The following EFCAB8 variants were observed in gnomAD, a reference collection of about 807,000 sequenced individuals.
EFCAB8 encodes the protein EF-hand calcium-binding domain-containing protein 8.
In EFCAB8, 100 loss-of-function variants were observed where a neutral mutation model predicts 116.3. The observed-to-expected ratio is 0.86, with a 90% CI of 0.73 to 1.02. The LOEUF (loss-of-function observed/expected upper bound fraction) is 1.02, where lower values mean the gene tolerates loss of function less well. Among genes scored for constraint, EFCAB8 ranks in the 50% least tolerant of loss-of-function variants. EFCAB8 has a pLI of 0.00. For missense variants in EFCAB8, 1,320 were observed against 1,416.9 expected (o/e 0.93, Z 1.10); for synonymous variants, 558 against 567.9 (o/e 0.98, Z 0.25).
intron 21 of EFCAB8, 62 bp from the exon 22 acceptor site, chr20:32,931,116 G>T (rs1018430402): frequency 9.4e-6 from 13 of 1,380,282 alleles, no homozygotes; most frequent in Non-Finnish European, 1.3e-5. Flanking sequence ...GGAGGAGCCC[G>T]CAGAGTGAGT....
rs144670167 is a variant in EFCAB8, at chr20:32,867,658, C to T, written c.119C>T (p.Pro40Leu). The T allele has an allele frequency of 1.4e-4, 218 of 1,551,664 alleles. 1 individual carries two copies. In the African/African-American group the frequency reaches 2.7e-3, roughly 19 times the overall value. The change falls in exon 3 of 27, where the codon CCT becomes CTT. Residue 40 changes from proline (P) to leucine (L), a missense_variant. Coordinates refer to ENST00000400522, the MANE Select transcript of EFCAB8 (RefSeq NM_001143967.2). ...CCATCCATCACCCTTAGCCAGGTGC[C>T]TGACCTCCAGCCTGGGTCCCAGCTG... is the stretch of plus-strand genomic sequence containing the variant. ...PTPSITLSQV[P>L]DLQPGSQLFT...
At chr20:32,872,597 C>T (rs1984736326) in intron 3 of EFCAB8, among the ~76,000 whole-genome samples, 1 of 152,044 alleles carries the variant, frequency 6.6e-6, no homozygotes, top group Admixed American at 6.6e-5. Context: ...GGTTCGAGAC[C>T]AGCCTGGCCA....
intron 20 of EFCAB8, among the ~76,000 whole-genome samples, chr20:32,929,500 C>T (rs1347304510): frequency 5.5e-5 from 5 of 90,292 alleles, no homozygotes; most frequent in Non-Finnish European, 8.8e-5. Context: ...CTCTTCCCTT[C>T]TGTTTTTTTT....
intron 23 of EFCAB8, among the ~76,000 whole-genome samples, chr20:32,945,333 T>C (rs1988557297): frequency 1.3e-5 from 2 of 151,992 alleles, no homozygotes; most frequent in South Asian, 4.1e-4. Flanking sequence ...TTTTTTGTAT[T>C]TTTTGTAGAG....
intron 10 of EFCAB8, chr20:32,898,247 C>T: frequency 2.3e-6 from 1 of 431,416 alleles, no homozygotes; most frequent in Non-Finnish European, 4.2e-6. Context: ...CTCTAACTCA[C>T]AAGATTTCAA....
chr20:32,909,486 G>C (rs1418327440), intron 14 of EFCAB8, among the ~76,000 whole-genome samples: 4 of 152,194 alleles, frequency 2.6e-5, no homozygotes, highest in African/African-American at 4.8e-5. Context: ...GCCTCGCCTG[G>C]GGCAAGGGGG....
chr20:32,898,677 G>A (rs901715254), intron 11 of EFCAB8, 54 bp downstream of exon 11: 2 of 706,640 alleles, frequency 2.8e-6, no homozygotes, highest in Non-Finnish European at 5.3e-6. Context: ...GGAGGGGGGT[G>A]GTGAGTGGAC....
intron 17 of EFCAB8, among the ~76,000 whole-genome samples, chr20:32,914,915 A>G (rs1012836222): frequency 3.4e-5 from 5 of 148,958 alleles, no homozygotes; most frequent in Non-Finnish European, 5.9e-5. Flanking sequence ...TTTTTTCTTT[A>G]AGACATGGGA....
At chr20:32,960,493 A>G (rs1232200237) in intron 26 of EFCAB8, among the ~76,000 whole-genome samples, 3 of 152,200 alleles carry the variant, frequency 2.0e-5, no homozygotes, top group African/African-American at 7.2e-5. Flanking sequence ...GCTGGTTAGC[A>G]TATTTCCCAC....
chr20:32,948,518 A>C (rs1284589779), intron 23 of EFCAB8, among the ~76,000 whole-genome samples: 1 of 143,790 alleles, frequency 7.0e-6, no homozygotes, highest in Non-Finnish European at 1.5e-5. Context: ...TATAAGAAGA[A>C]AGTGAAAAAG....
chr20:32,907,580 C>G (rs1418965298), intron 13 of EFCAB8, among the ~76,000 whole-genome samples: 2 of 152,220 alleles, frequency 1.3e-5, no homozygotes, highest in East Asian at 3.9e-4. Context: ...GTTACGTTTT[C>G]TGGAACTCTG....
At chr20:32,862,665 T>C (rs1390776034) in intron 1 of EFCAB8, among the ~76,000 whole-genome samples, 2 of 152,178 alleles carry the variant, frequency 1.3e-5, no homozygotes, top group Non-Finnish European at 1.5e-5. Context: ...CTTGCTCTTG[T>C]TGCCCAGGCT....
chr20:32,898,331 C>T, intron 10 of EFCAB8, 162 bp from the exon 11 acceptor site: 1 of 572,036 alleles, frequency 1.7e-6, no homozygotes, highest in Non-Finnish European at 3.2e-6. Flanking sequence ...AGGACCTGGG[C>T]TAGGATTGCG....
At chr20:32,889,526 GC>G in intron 7 of EFCAB8, 120 bp downstream of exon 7, 1 of 1,002,162 alleles carries the variant, frequency 1.0e-6, no homozygotes, top group Non-Finnish European at 1.5e-6. Context: ...TGGGAGGATA[GC>G]CAGGTGGAGA....
intron 22 of EFCAB8, among the ~76,000 whole-genome samples, chr20:32,934,395 A>G (rs1988025344): frequency 6.6e-6 from 1 of 152,194 alleles, no homozygotes; most frequent in Admixed American, 6.5e-5. Flanking sequence ...GCTATTGTGA[A>G]AAGTGCTGCA....
At chr20:32,875,027 G>A in intron 3 of EFCAB8, among the ~76,000 whole-genome samples, 1 of 151,886 alleles carries the variant, frequency 6.6e-6, no homozygotes, top group Admixed American at 6.6e-5. Flanking sequence ...GGGATTACAG[G>A]CGTGAGCCAC....
intron 4 of EFCAB8, among the ~76,000 whole-genome samples, chr20:32,877,199 A>C (rs113345963): frequency 0.057 from 6,558 of 114,616 alleles, 178 homozygotes; most frequent in South Asian, 0.089. Context: ...GTTTTTATTT[A>C]TTTCTTTCTT....
chr20:32,863,412 T>C (rs1256363957), intron 1 of EFCAB8, among the ~76,000 whole-genome samples: 1 of 152,190 alleles, frequency 6.6e-6, no homozygotes, highest in Non-Finnish European at 1.5e-5. Flanking sequence ...ATCTGTTTAT[T>C]GTACTTGGAC....
Position 32,960,075 on chromosome 20 carries a change from T to C in EFCAB8, c.3307T>C (p.Leu1103=). 6.4e-7 allele frequency: 1 copy of C among 1,551,668 alleles called. No homozygotes were observed. The highest frequency in any genetic ancestry group is 8.7e-7 in the Non-Finnish European group (1 of 1,146,980). Residue 1103 remains leucine, a synonymous_variant, in exon 26 of 27, where the codon TTG becomes CTG. Transcript: ENST00000400522. ...ESRDKQVSKV[L]GAAYKPKERL... ...GTGGCTCCTGCAGGTGAGCAAAGTCTTGGGAGCGGCGTATAAGCCCAAGGA... is the reference window on the plus strand; with the variant it reads ...GTGGCTCCTGCAGGTGAGCAAAGTCCTGGGAGCGGCGTATAAGCCCAAGGA...
Sources: allele counts gnomAD v4.1 joint callset (sites outside exome capture counted in the v4.1 genomes callset), GRCh38; gene constraint gnomAD v4.1.1; transcripts MANE v1.5; gene names NCBI Gene and HGNC (gene_info 2026-07-23, HGNC 2026-07-21).